The following KAZN variants were observed in gnomAD, a reference collection of about 807,000 sequenced individuals.
KAZN encodes kazrin, periplakin interacting protein.
A neutral mutation model predicts 87.4 loss-of-function variants in KAZN; 40 were observed. The ratio of observed to expected loss-of-function variants is 0.46; its 90% CI spans 0.36 to 0.60. The LOEUF is 0.60. Ranked by LOEUF, KAZN falls within the 20% of genes least tolerant of loss-of-function variation. The probability of loss-of-function intolerance (pLI) is 0.00; values close to 1 mark genes in which losing one functional copy is unlikely to be tolerated. For missense variants in KAZN, 898 were observed against 1,073.9 expected (o/e 0.84, Z 2.29); for synonymous variants, 466 against 458.3 (o/e 1.02, Z -0.22).
At chr1:14,768,395 C>A (rs1018913806) in intron 1 of KAZN, among the ~76,000 whole-genome samples, 5 of 152,274 alleles carry the variant, frequency 3.3e-5, no homozygotes, top group African/African-American at 1.2e-4. Context: ...GTAGAATCAG[C>A]TTCATTTGAT....
chr1:14,956,164 T>C (rs1275383321), intron 1 of KAZN, among the ~76,000 whole-genome samples: 2 of 152,144 alleles, frequency 1.3e-5, no homozygotes, highest in Admixed American at 6.5e-5. Context: ...ACGAGGCTTA[T>C]GCAAAGTCAA....
chr1:15,110,513 G>GTA (rs1641555863), intron 13 of KAZN, among the ~76,000 whole-genome samples: 1 of 82,392 alleles, frequency 1.2e-5, no homozygotes, highest in South Asian at 5.0e-4. Flanking sequence ...GTATTTGTGT[G>GTA]TTTGTGTGTA....
intron 1 of KAZN, among the ~76,000 whole-genome samples, chr1:14,912,555 AT>A (rs1202978167): frequency 3.3e-5 from 5 of 151,886 alleles, no homozygotes; most frequent in African/African-American, 1.2e-4. Flanking sequence ...TAATTTTCAT[AT>A]TTTTTGTAGA....
At chr1:14,850,848 C>T (rs1194001559) in intron 1 of KAZN, among the ~76,000 whole-genome samples, 1 of 152,192 alleles carries the variant, frequency 6.6e-6, no homozygotes, top group African/African-American at 2.4e-5. Flanking sequence ...AGGTGTACCT[C>T]CCTAAGCCCC....
At chr1:14,668,424 G>A (rs914943103) in intron 1 of KAZN, among the ~76,000 whole-genome samples, 7 of 152,000 alleles carry the variant, frequency 4.6e-5, no homozygotes, top group Non-Finnish European at 8.8e-5. Context: ...AGGAAGCTGA[G>A]GTCTAAAGGC....
chr1:14,937,126 T>G (rs577540856), intron 1 of KAZN, among the ~76,000 whole-genome samples: 1 of 152,354 alleles, frequency 6.6e-6, no homozygotes, highest in African/African-American at 2.4e-5. Flanking sequence ...GGCATAATTC[T>G]TGCAGTGCCA....
At chr1:14,907,044 T>A (rs1221834491) in intron 1 of KAZN, among the ~76,000 whole-genome samples, 3 of 151,472 alleles carry the variant, frequency 2.0e-5, no homozygotes, top group Admixed American at 6.6e-5. Context: ...ACCAGCAGCA[T>A]CAGCAACTCC....
chr1:14,692,076 A>G (rs547030633), intron 1 of KAZN: 1 of 282,634 alleles, frequency 3.5e-6, no homozygotes, highest in South Asian at 1.7e-4. Context: ...AATGAATTGT[A>G]AAATGGGCCC....
intron 1 of KAZN, among the ~76,000 whole-genome samples, chr1:14,807,571 C>G (rs1404404946): frequency 2.0e-5 from 3 of 152,132 alleles, no homozygotes; most frequent in Non-Finnish European, 4.4e-5. Flanking sequence ...GAATTTGAGA[C>G]TGGCCTGGGC....
intron 1 of KAZN, among the ~76,000 whole-genome samples, chr1:14,175,772 CT>C (rs1199810607): frequency 3.3e-5 from 5 of 152,116 alleles, no homozygotes; most frequent in African/African-American, 4.8e-5. Context: ...GACGTGGGAA[CT>C]GAGGTACTCT....
At position 15,065,703 on chromosome 1, in the gene KAZN, T is replaced by A; in HGVS notation, c.1172T>A (p.Val391Asp). The A allele has an allele frequency of 6.2e-7, 1 of 1,614,214 alleles. No individual in the cohort carries two copies. The highest frequency in any genetic ancestry group is 8.5e-7 in the Non-Finnish European group (1 of 1,180,024). ...EKMGFGSISR[V>D]FARGKQRKSL... ...ATGGGATTCGGCTCCATCTCCCGCG[T>A]CTTCGCCAGAGGGAAGCAGCGGAAG... is the stretch of plus-strand genomic sequence containing the variant. The change falls in exon 8 of 15, where the codon GTC (valine) becomes GAC (aspartate). Residue 391 changes from valine to aspartate, a missense_variant. Val to Asp is a radical substitution (Grantham distance 152). This residue lies in a region of KAZN where 521 missense variants were observed against 689.4 expected (regional missense o/e 0.76). Transcript: ENST00000376030.
intron 1 of KAZN, among the ~76,000 whole-genome samples, chr1:14,047,959 G>A (rs1201860584): frequency 6.6e-6 from 1 of 152,140 alleles, no homozygotes; most frequent in Non-Finnish European, 1.5e-5. Flanking sequence ...GCTCCATGAA[G>A]GGACACAGAA....
intron 2 of KAZN, among the ~76,000 whole-genome samples, chr1:14,457,824 GT>G (rs75828934): frequency 5.6e-5 from 8 of 142,464 alleles, no homozygotes; most frequent in Admixed American, 7.0e-5. Flanking sequence ...TTTTTGTTTT[GT>G]TTTTTTTTTT....
chr1:14,126,679 A>G (rs1211742367), intron 1 of KAZN, among the ~76,000 whole-genome samples: 2 of 152,132 alleles, frequency 1.3e-5, no homozygotes, highest in Admixed American at 6.5e-5. Context: ...TGATTTCCCC[A>G]ATGTCACACA....
At chr1:14,900,328 C>T (rs892715872) in intron 1 of KAZN, among the ~76,000 whole-genome samples, 3 of 152,136 alleles carry the variant, frequency 2.0e-5, no homozygotes, top group Admixed American at 2.0e-4. Flanking sequence ...GGGGTGAGAG[C>T]CCTGGCTGTG....
intron 1 of KAZN, among the ~76,000 whole-genome samples, chr1:14,089,214 A>G (rs1008347332): frequency 6.6e-6 from 1 of 152,026 alleles, no homozygotes; most frequent in African/African-American, 2.4e-5. Flanking sequence ...GTTAGAATGT[A>G]GATGGGTCTT....
At chr1:14,615,108 T>C (rs1678126408) in intron 1 of KAZN, among the ~76,000 whole-genome samples, 1 of 152,252 alleles carries the variant, frequency 6.6e-6, no homozygotes, top group Non-Finnish European at 1.5e-5. Context: ...CTGCAGGCAC[T>C]GAGGAAGGAA....
chr1:14,918,976 T>G (rs1658202556), intron 1 of KAZN, among the ~76,000 whole-genome samples: 1 of 151,460 alleles, frequency 6.6e-6, no homozygotes, highest in Admixed American at 6.6e-5. Context: ...AGTTTGGAGG[T>G]GATTTGTTAT....
chr1:14,290,187 G>C (rs1299546597), intron 2 of KAZN, among the ~76,000 whole-genome samples: 1 of 152,076 alleles, frequency 6.6e-6, no homozygotes, highest in Non-Finnish European at 1.5e-5. Flanking sequence ...GTATCTTTGT[G>C]GTGTTCTCTG....
Sources: allele counts gnomAD v4.1 joint callset (sites outside exome capture counted in the v4.1 genomes callset), GRCh38; gene constraint gnomAD v4.1.1; regional missense constraint gnomAD v4.1.1; transcripts MANE v1.5; gene names NCBI Gene and HGNC (gene_info 2026-07-23, HGNC 2026-07-21).